The following TFG variants were observed in gnomAD, a reference collection of about 807,000 sequenced individuals.
TFG encodes protein TFG.
TFG carries 22 observed loss-of-function variants against 51.4 expected under a neutral mutation model. The observed-to-expected ratio is 0.43, with a 90% CI of 0.31 to 0.61. The LOEUF (loss-of-function observed/expected upper bound fraction) is 0.61, where lower values mean the gene tolerates loss of function less well. Ranked by LOEUF, TFG falls within the 20% of genes least tolerant of loss-of-function variation. The probability of loss-of-function intolerance (pLI) is 0.12; values close to 1 mark genes in which losing one functional copy is unlikely to be tolerated. For synonymous variants in TFG, 187 were observed against 165.6 expected (o/e 1.13, Z -0.99); for missense variants, 419 against 487.7 (o/e 0.86, Z 1.33).
At position 100,720,055 on chromosome 3, in the gene TFG, T is replaced by C; in HGVS notation, c.265T>C (p.Phe89Leu). The change falls in exon 3 of 8, where the codon TTT becomes CTT. Residue 89 changes from phenylalanine to leucine, a missense_variant. By Grantham distance (22) the Phe-to-Leu change is conservative. This residue lies in a region of TFG where 391 missense variants were observed against 434.4 expected (regional missense o/e 0.90). Coordinates refer to ENST00000240851, the MANE Select transcript of TFG (RefSeq NM_006070.6). ...QCSRILKLTL[F>L]VNGQPRPLES... ...CAGTAGGATACTGAAACTGACATTATTTGGTGAGTAGTAAACTTTCTAATG... is the reference window on the plus strand; with the variant it reads ...CAGTAGGATACTGAAACTGACATTACTTGGTGAGTAGTAAACTTTCTAATG... 6.5e-7 allele frequency: 1 copy of C among 1,544,116 alleles called. No homozygotes were observed. The highest frequency in any genetic ancestry group is 8.8e-7 in the Non-Finnish European group (1 of 1,141,028).
intron 1 of TFG, 24 bp from the exon 2 acceptor site, chr3:100,713,619 A>G (rs910908564): frequency 3.7e-5 from 45 of 1,207,240 alleles, no homozygotes; most frequent in Non-Finnish European, 4.9e-5. Flanking sequence ...TTTGTTGTTT[A>G]ATTATCAAAA....
Position 100,728,705 on chromosome 3 carries a change from A to G in TFG, c.269-7A>G, listed in dbSNP as rs2095082743. ...TAATTTTAAGCAAATAAATGTTTTT[A>G]TTTCAGTTAATGGCCAGCCAAGACC... On this transcript the variant is annotated splice_region_variant and splice_polypyrimidine_tract_variant and intron_variant, in intron 3 of 7. Transcript: ENST00000240851. 1.3e-6 allele frequency: 2 copies of G among 1,573,628 alleles called. No homozygotes were observed. The highest frequency in any genetic ancestry group is 1.9e-5 in the Admixed American group (1 of 51,454).
chr3:100,735,707 C>T (rs777664032), intron 5 of TFG, among the ~76,000 whole-genome samples: 5 of 152,142 alleles, frequency 3.3e-5, no homozygotes, highest in Admixed American at 6.5e-5. Flanking sequence ...TTGACTGTCA[C>T]AGCATTGGAA....
At chr3:100,729,865 A>G (rs3773924) in intron 4 of TFG, among the ~76,000 whole-genome samples, 38,807 of 151,976 alleles carry the variant, frequency 0.26, 5,525 homozygotes, top group East Asian at 0.51. Flanking sequence ...AGTCATATGG[A>G]ATTATGTTAA....
At chr3:100,721,100 A>G (rs1202756415) in intron 3 of TFG, among the ~76,000 whole-genome samples, 1 of 152,242 alleles carries the variant, frequency 6.6e-6, no homozygotes, top group Non-Finnish European at 1.5e-5. Flanking sequence ...ATTATTTAAA[A>G]TAAAGGTATC....
At chr3:100,722,190 C>T (rs759129253) in intron 3 of TFG, among the ~76,000 whole-genome samples, 1 of 151,960 alleles carries the variant, frequency 6.6e-6, no homozygotes, top group Non-Finnish European at 1.5e-5. Flanking sequence ...GAGCAAGATG[C>T]TATTGTATTA....
intron 5 of TFG, among the ~76,000 whole-genome samples, chr3:100,734,771 T>C (rs1007764590): frequency 6.6e-6 from 1 of 152,204 alleles, no homozygotes; most frequent in East Asian, 1.9e-4. Flanking sequence ...TTTGATGAGG[T>C]CAGACTTTTA....
chr3:100,721,730 G>C (rs1469247981), intron 3 of TFG, among the ~76,000 whole-genome samples: 2 of 152,200 alleles, frequency 1.3e-5, no homozygotes, highest in Non-Finnish European at 2.9e-5. Flanking sequence ...TAAGACACAT[G>C]AAGCTGTCAG....
chr3:100,731,963 G>A (rs1313898713), intron 4 of TFG, among the ~76,000 whole-genome samples: 1 of 152,144 alleles, frequency 6.6e-6, no homozygotes, highest in East Asian at 1.9e-4. Context: ...ATTCAAAAAT[G>A]TTTTTAATGT....
chr3:100,728,616 T>A, intron 3 of TFG, 96 bp from the exon 4 acceptor site: 1 of 1,127,778 alleles, frequency 8.9e-7, no homozygotes, highest in Non-Finnish European at 1.2e-6. Flanking sequence ...GTTTTTGTTT[T>A]TTTAAAGGAA....
chr3:100,715,053 A>G (rs1318429133), intron 2 of TFG, among the ~76,000 whole-genome samples: 1 of 152,194 alleles, frequency 6.6e-6, no homozygotes, highest in Non-Finnish European at 1.5e-5. Flanking sequence ...TAGCACTGCT[A>G]CCCACACCAT....
chr3:100,718,748 G>C (rs2095053226), intron 2 of TFG, among the ~76,000 whole-genome samples: 1 of 151,838 alleles, frequency 6.6e-6, no homozygotes, highest in African/African-American at 2.4e-5. Context: ...AGTAGAGACG[G>C]AGTTTCTCCA....
chr3:100,737,135 G>A (rs2095108801), intron 6 of TFG, among the ~76,000 whole-genome samples: 1 of 152,184 alleles, frequency 6.6e-6, no homozygotes, highest in Non-Finnish European at 1.5e-5. Context: ...AACTTTAGTT[G>A]TAGTGGGTTT....
intron 3 of TFG, among the ~76,000 whole-genome samples, chr3:100,723,814 A>G (rs72930705): frequency 0.01 from 1,550 of 152,116 alleles, 25 homozygotes; most frequent in African/African-American, 0.036. Flanking sequence ...TACATCTAGC[A>G]GTTAGGGAGA....
At chr3:100,724,458 C>T (rs939055316) in intron 3 of TFG, among the ~76,000 whole-genome samples, 1 of 152,104 alleles carries the variant, frequency 6.6e-6, no homozygotes, top group Non-Finnish European at 1.5e-5. Context: ...ATTTAATGTA[C>T]TGTTTCAAGA....
intron 3 of TFG, among the ~76,000 whole-genome samples, chr3:100,725,647 T>C (rs1444738913): frequency 1.0e-5 from 1 of 100,202 alleles, no homozygotes; most frequent in East Asian, 2.8e-4. Context: ...AAAAAAAAAT[T>C]AGCTGGGTGT....
intron 3 of TFG, among the ~76,000 whole-genome samples, chr3:100,726,888 C>T (rs1165900969): frequency 6.6e-6 from 1 of 152,112 alleles, no homozygotes; most frequent in East Asian, 1.9e-4. Flanking sequence ...GTTTGGGTAT[C>T]TTATCAAATC....
At chr3:100,715,726 A>AT (rs879744191) in intron 2 of TFG, among the ~76,000 whole-genome samples, 2,595 of 144,738 alleles carry the variant, frequency 0.018, 53 homozygotes, top group African/African-American at 0.058. Flanking sequence ...TGATCAGTGA[A>AT]TTTTTTTTTT....
At chr3:100,737,064 C>G (rs2095108604) in intron 6 of TFG, among the ~76,000 whole-genome samples, 1 of 152,124 alleles carries the variant, frequency 6.6e-6, no homozygotes, top group African/African-American at 2.4e-5. Context: ...TCCCTCCTTT[C>G]TTCAACATCT....
Sources: gnomAD v4.1 joint callset for allele counts (sites outside exome capture counted in the v4.1 genomes callset) on GRCh38, gnomAD v4.1.1 for gene constraint, gnomAD v4.1.1 regional missense constraint, MANE v1.5 for transcripts, NCBI Gene and HGNC (gene_info 2026-07-23, HGNC 2026-07-21) for gene names.